The following CEACAM16 variants were observed in gnomAD, a reference collection of about 807,000 sequenced individuals.
The protein encoded by CEACAM16 is CEA cell adhesion molecule 16, tectorial membrane component, also known as cell adhesion molecule CEACAM16.
Under a neutral mutation model 39.4 loss-of-function variants are expected in CEACAM16, and 30 were observed. That is an observed-to-expected ratio of 0.76 (90% CI 0.57 to 1.03). The LOEUF (loss-of-function observed/expected upper bound fraction) is 1.03, where lower values mean the gene tolerates loss of function less well. CEACAM16 is among the 50% of genes least tolerant of loss of function. The pLI, the probability that CEACAM16 is intolerant of heterozygous loss-of-function variation, is 0.00. For synonymous variants in CEACAM16, 262 were observed against 264.9 expected, an observed-to-expected ratio of 0.99 and a Z score of 0.11; for missense variants, 521 against 585.3, an observed-to-expected ratio of 0.89 and a Z score of 1.13.
chr19:44,709,942 A>G (rs1182839662), intron 6 of CEACAM16, among the ~76,000 whole-genome samples: 1 of 151,386 alleles, frequency 6.6e-6, no homozygotes, highest in Non-Finnish European at 1.5e-5. Flanking sequence ...GGGTCCATGT[A>G]TCCTCCATCT....
Position 44,703,494 on chromosome 19 carries a change from G to A in CEACAM16, c.183G>A (p.Val61=), listed in dbSNP as rs1197042468. 1 of 1,613,686 alleles carries A rather than the reference G, an allele frequency of 6.2e-7. No individual in the cohort carries two copies. The highest frequency in any genetic ancestry group is 1.7e-5 in the Admixed American group (1 of 59,994). Residue 61 remains valine, a synonymous_variant, in exon 3 of 7, where the codon GTG becomes GTA. Transcript: ENST00000587331. ...GGTATGCGGGGCCCACACTCAGCGT[G>A]TCATACCTGGTGGCCAGCTACATCG... is the stretch of plus-strand genomic sequence containing the variant. The part of the protein sequence containing the change: ...YSWYAGPTLS[V]SYLVASYIVS...
rs143934888 is a variant in CEACAM16 at position 44,710,483 on chromosome 19, A to G, written c.1268-13A>G. On this transcript the variant is annotated splice_polypyrimidine_tract_variant and intron_variant, in intron 6 of 6. Transcript: ENST00000587331. ...ACATCCTCCTTCGCCCCCTCGCCCC[A>G]TATGCCCCACAGCCCTGGGGTAACA... 0.045 allele frequency: 71,863 copies of G among 1,611,874 alleles called. 1,795 individuals are homozygous for G. Among genetic ancestry groups the G allele is most frequent in the Middle Eastern group, 0.07 (421 of 6,042 alleles).
In CEACAM16 at chr19:44,701,264, C is replaced by T; in HGVS notation, c.-96-97C>T. On this transcript the variant is annotated intron_variant, in intron 1 of 6. Transcript: ENST00000587331. The surrounding 1 kb of genome is among the most constrained non-coding windows in gnomAD (Gnocchi z 4.0). ...GGCCTCTGGCCGGTGCCCGCCACAC[C>T]CACCCTGGTACCCAAACCGGGCCCC... The T allele has an allele frequency of 1.5e-6, 1 of 688,996 alleles. No homozygotes were observed. The highest frequency in any genetic ancestry group is 2.6e-6 in the Non-Finnish European group (1 of 390,488). The allele number at this position is 688,996 out of a possible 1,614,324, so 42.7% of individuals were successfully genotyped here.
chr19:44,704,212 C>G lies in CEACAM16; in HGVS notation c.577C>G (p.Arg193Gly), dbSNP rs376638197. 2 of 1,554,416 alleles carry G rather than the reference C, an allele frequency of 1.3e-6. No homozygotes were observed. The highest frequency in any genetic ancestry group is 1.7e-6 in the Non-Finnish European group (2 of 1,149,356). The change falls in exon 4 of 7, where the codon CGG (arginine) becomes GGG (glycine). Residue 193 changes from arginine (R) to glycine (G), a missense_variant. Physicochemically the swap from Arg to Gly is moderately radical, Grantham distance 125. Coordinates refer to ENST00000587331, the MANE Select transcript of CEACAM16 (RefSeq NM_001039213.4). ...GRVLARHGIR[R>G]EEAGAYQCEV... is the part of the protein sequence containing the mutation. Reference sequence around the variant, plus strand: ...GGTGCTGGCCAGGCATGGCATCCGCCGGGAGGAGGCCGGCGCCTATCAGTG... The same window carrying G: ...GGTGCTGGCCAGGCATGGCATCCGCGGGGAGGAGGCCGGCGCCTATCAGTG...
At chr19:44,709,620 T>C (rs189634996) in intron 6 of CEACAM16, among the ~76,000 whole-genome samples, 1,493 of 145,946 alleles carry the variant, frequency 0.01, 26 homozygotes, top group South Asian at 0.056. Flanking sequence ...TCCATCAGAC[T>C]GGGAGCTCCC....
intron 6 of CEACAM16, among the ~76,000 whole-genome samples, chr19:44,708,711 G>A (rs1221342201): frequency 6.6e-6 from 1 of 152,118 alleles, no homozygotes; most frequent in Non-Finnish European, 1.5e-5. Flanking sequence ...TATTGTGAGG[G>A]CAAAGTTTCT....
intron 3 of CEACAM16, 104 bp downstream of exon 3, chr19:44,703,797 G>A: frequency 9.1e-7 from 1 of 1,099,892 alleles, no homozygotes; most frequent in Non-Finnish European, 1.3e-6. Context: ...AAATCATCAG[G>A]GAAACCATCA....
At chr19:44,699,657 A>G (rs1027383123) in intron 1 of CEACAM16, among the ~76,000 whole-genome samples, 11 of 152,064 alleles carry the variant, frequency 7.2e-5, no homozygotes, top group Admixed American at 2.6e-4. Flanking sequence ...GACTACAGGC[A>G]TGAGCCACTG....
At chr19:44,703,300 C>T (rs776060960) in intron 2 of CEACAM16, 49 bp from the exon 3 acceptor site, 7 of 1,513,014 alleles carry the variant, frequency 4.6e-6, no homozygotes, top group Non-Finnish European at 5.4e-6. Flanking sequence ...TCAAATGGGG[C>T]GATTGATCAA....
At chr19:44,705,470 TCCCC>T in intron 4 of CEACAM16, 116 bp from the exon 5 acceptor site, 1 of 1,012,086 alleles carries the variant, frequency 9.9e-7, no homozygotes. Context: ...GAGCTTTTTT[TCCCC>T]TCCACTAGGC....
In CEACAM16 at chr19:44,701,088, C is replaced by A. The variant is rs941356548; in HGVS notation, c.-96-273C>A. On this transcript the variant is annotated intron_variant, in intron 1 of 6. Transcript: ENST00000587331. This position sits in a 1 kb window ranked among gnomAD's most constrained non-coding sequence, Gnocchi z 4.0. ...ACTCCCAGGCTCTCTGAGGAGGCCACGGGCCTGGGTGGTTGGTAAGAACTA... is the reference window on the plus strand; with the variant it reads ...ACTCCCAGGCTCTCTGAGGAGGCCAAGGGCCTGGGTGGTTGGTAAGAACTA... Among the ~76,000 whole-genome samples, 1 of 152,214 alleles carries A rather than the reference C, an allele frequency of 6.6e-6. No individual in the cohort carries two copies. Among genetic ancestry groups the A allele is most frequent in the Non-Finnish European group, 1.5e-5 (1 of 68,040 alleles).
At chr19:44,708,212 C>A in intron 6 of CEACAM16, 25 bp downstream of exon 6, 2 of 1,503,108 alleles carry the variant, frequency 1.3e-6, no homozygotes, top group Admixed American at 2.1e-5. Flanking sequence ...AGGGGCAAGG[C>A]GTGCCCCTTT....
rs1313628742 is a variant in CEACAM16 at position 44,710,098 on chromosome 19, T to A, written c.1268-398T>A. Reference sequence around the variant, plus strand: ...AGACAGAGCATTCTCAGAAGCCATGTCCCTGAGTCCGGGATGGTGCCTCCC... The same window carrying A: ...AGACAGAGCATTCTCAGAAGCCATGACCCTGAGTCCGGGATGGTGCCTCCC... On this transcript the variant is annotated intron_variant, in intron 6 of 6. Transcript: ENST00000587331. Among the ~76,000 whole-genome samples, 4 of 152,204 alleles carry A rather than the reference T, an allele frequency of 2.6e-5. No individual in the cohort carries two copies. In the East Asian group the frequency reaches 7.7e-4, roughly 29 times the overall value.
At position 44,701,256 on chromosome 19, in the gene CEACAM16, C is replaced by T. The variant is rs1055694119; in HGVS notation, c.-96-105C>T. 1.5e-5 allele frequency: 10 copies of T among 670,120 alleles called. No homozygotes were observed. Among genetic ancestry groups the T allele is most frequent in the Non-Finnish European group, 2.4e-5 (9 of 376,688 alleles). 41.5% of individuals were successfully genotyped at this position (670,120 alleles called of 1,614,324 possible). ...CAGGTCACGGCCTCTGGCCGGTGCC[C>T]GCCACACCCACCCTGGTACCCAAAC... On this transcript the variant is annotated intron_variant, in intron 1 of 6. Transcript: ENST00000587331. The surrounding 1 kb of genome is among the most constrained non-coding windows in gnomAD (Gnocchi z 4.0).
intron 2 of CEACAM16, 65 bp from the exon 3 acceptor site, chr19:44,703,284 C>T: frequency 6.9e-7 from 1 of 1,456,482 alleles, no homozygotes; most frequent in Non-Finnish European, 9.4e-7. Flanking sequence ...TGAGTCTCTT[C>T]TTCTGTCAAA....
In CEACAM16 at chr19:44,701,498, G is replaced by A. The variant is rs1189697953; in HGVS notation, c.37+5G>A. On this transcript the variant is annotated splice_donor_5th_base_variant and intron_variant, in intron 2 of 6. Coordinates refer to ENST00000587331, the MANE Select transcript of CEACAM16 (RefSeq NM_001039213.4). This position sits in a 1 kb window ranked among gnomAD's most constrained non-coding sequence, Gnocchi z 4.0. ...ACAGCTGGCTGCTCCTCAGTGGTGA[G>A]CGAGAATGGCACCCCCCAGCACCTC... 1.3e-6 allele frequency: 2 copies of A among 1,563,348 alleles called. No individual in the cohort carries two copies. The highest frequency in any genetic ancestry group is 1.9e-5 in the Admixed American group (1 of 53,022).
Position 44,701,441 on chromosome 19 carries a change from C to T in CEACAM16, c.-16C>T, listed in dbSNP as rs991929892. 7.0e-6 allele frequency: 11 copies of T among 1,560,456 alleles called. No individual in the cohort carries two copies. The highest frequency in any genetic ancestry group is 2.7e-5 in the African/African-American group (2 of 73,454). Reference sequence around the variant, plus strand: ...CTTCAACGCCACCATCTCCAAGACTCGGTTTGGGGTGAAAGATGGCGCTGA... The same window carrying T: ...CTTCAACGCCACCATCTCCAAGACTTGGTTTGGGGTGAAAGATGGCGCTGA... On this transcript the variant is annotated 5_prime_UTR_variant, in exon 2 of 7. Transcript: ENST00000587331. The surrounding 1 kb of genome is among the most constrained non-coding windows in gnomAD (Gnocchi z 4.0).
chr19:44,710,597 A>T lies in CEACAM16; in HGVS notation c.*91A>T, dbSNP rs1290091619. ...GAGTGGGAACCACTCCCCCACAGCG[A>T]GGATGCCAGGCTGTGGTCCTGCTGT... On this transcript the variant is annotated 3_prime_UTR_variant, in exon 7 of 7. Coordinates refer to ENST00000587331, the MANE Select transcript of CEACAM16 (RefSeq NM_001039213.4). 1.3e-6 allele frequency: 2 copies of T among 1,549,482 alleles called. No homozygotes were observed. Among genetic ancestry groups the T allele is most frequent in the Non-Finnish European group, 1.8e-6 (2 of 1,122,312 alleles).
At chr19:44,703,765 TTA>T (rs1491254520) in intron 3 of CEACAM16, 72 bp downstream of exon 3, 4,341 of 1,204,020 alleles carry the variant, frequency 3.6e-3, no homozygotes, top group Admixed American at 0.01. Context: ...CTTCTTTTTT[TTA>T]AAAAAAAAAA....
Sources: gnomAD v4.1 joint callset for allele counts (sites outside exome capture counted in the v4.1 genomes callset) on GRCh38, gnomAD v4.1.1 for gene constraint, Gnocchi (gnomAD v3.1) non-coding constraint, MANE v1.5 for transcripts, NCBI Gene and HGNC (gene_info 2026-07-23, HGNC 2026-07-21) for gene names.